Variants in C1orf159 observed in about 807,000 individuals in gnomAD.
C1orf159 encodes uncharacterized protein C1orf159.
A neutral mutation model predicts 25.6 loss-of-function variants in C1orf159; 19 were observed. That is an observed-to-expected ratio of 0.74 (90% CI 0.52 to 1.09). The LOEUF (loss-of-function observed/expected upper bound fraction) is 1.09, where lower values mean the gene tolerates loss of function less well. Ranked by LOEUF, C1orf159 falls within the 50% of genes least tolerant of loss-of-function variation. C1orf159 has a pLI of 0.00. For synonymous variants in C1orf159, 139 were observed against 124.7 expected, an observed-to-expected ratio of 1.12 and a Z score of -0.77; for missense variants, 274 against 290.6, an observed-to-expected ratio of 0.94 and a Z score of 0.42.
intron 7 of C1orf159, among the ~76,000 whole-genome samples, chr1:1,084,990 C>T (rs1372935392): frequency 6.6e-6 from 1 of 152,136 alleles, no homozygotes; most frequent in Non-Finnish European, 1.5e-5. Context: ...CTTCTCGTCC[C>T]GTGGCCACCA....
rs985636415 is a variant in C1orf159, at chr1:1,110,246, C to A, written c.-136+5814G>T. ...TAACCAGGTGTGTCCAACCTCCCAT[C>A]CTTTTATGGCCGGAAACTCAATTTT... On this transcript the variant is annotated intron_variant, in intron 1 of 9. Coordinates refer to ENST00000421241, the MANE Select transcript of C1orf159 (RefSeq NM_017891.5). The surrounding 1 kb of genome is among the most constrained non-coding windows in gnomAD (Gnocchi z 4.8). Among the ~76,000 whole-genome samples, 1 of 152,192 alleles carries A rather than the reference C, an allele frequency of 6.6e-6. No homozygotes were observed. The highest frequency in any genetic ancestry group is 2.4e-5 in the African/African-American group (1 of 41,432).
In C1orf159 at chr1:1,099,483, AG is replaced by A. The variant is rs544981703; in HGVS notation, c.-135-7381del. On this transcript the variant is annotated intron_variant, in intron 1 of 9. Coordinates refer to ENST00000421241, the MANE Select transcript of C1orf159 (RefSeq NM_017891.5). The stretch of plus-strand genomic sequence containing the variant: ...ATTGTTCTAAGAATTGCAGAGAGAG[AG>A]GTTAAAATCTCCGACTATGATTGTG... 1.8e-3 allele frequency among the ~76,000 whole-genome samples: 252 copies of A among 142,756 alleles called. 30 individuals carry two copies. Among genetic ancestry groups the A allele is most frequent in the African/African-American group, 6.5e-3 (238 of 36,478 alleles). 93.7% of individuals were successfully genotyped at this position (142,756 alleles called of 152,430 possible).
chr1:1,088,076 G>C (rs1301735977), intron 4 of C1orf159, among the ~76,000 whole-genome samples: 1 of 151,634 alleles, frequency 6.6e-6, no homozygotes, highest in East Asian at 2.0e-4. Context: ...GGCTGGGCCC[G>C]GCTTCCACCA....
intron 1 of C1orf159, among the ~76,000 whole-genome samples, chr1:1,107,317 T>C (rs1646188201): frequency 6.6e-6 from 1 of 152,148 alleles, no homozygotes; most frequent in Non-Finnish European, 1.5e-5. Flanking sequence ...GGTTTGTGGA[T>C]GCACCAATCA....
chr1:1,091,573 A>C lies in C1orf159; in HGVS notation c.-22-8T>G, dbSNP rs914166491. The C allele has an allele frequency of 7.8e-6, 11 of 1,407,100 alleles. No individual in the cohort carries two copies. The African/African-American group carries it at 1.5e-4, about 19-fold the overall frequency. The allele number at this position is 1,407,100 out of a possible 1,614,324, so 87.2% of individuals were successfully genotyped here. On this transcript the variant is annotated splice_region_variant and splice_polypyrimidine_tract_variant and intron_variant, in intron 2 of 9. Coordinates refer to ENST00000421241, the MANE Select transcript of C1orf159 (RefSeq NM_017891.5). ...GGAGCAGATGCGCAGAGCCTGCCAC[A>C]GGGAGGAGCATGCGGAGCCAAAGAG...
At chr1:1,085,014 C>T (rs1422763183) in intron 7 of C1orf159, among the ~76,000 whole-genome samples, 1 of 152,154 alleles carries the variant, frequency 6.6e-6, no homozygotes, top group South Asian at 2.1e-4. Flanking sequence ...CTGACCAAGC[C>T]CTGAGCCCTG....
At chr1:1,098,450 C>T (rs749359046) in intron 1 of C1orf159, among the ~76,000 whole-genome samples, 1 of 152,204 alleles carries the variant, frequency 6.6e-6, no homozygotes, top group East Asian at 1.9e-4. Flanking sequence ...AATTTCCAAA[C>T]ATTTGAGTTT....
rs1645843376 is a variant in C1orf159 at position 1,087,109 on chromosome 1, C to G, written c.310+30G>C. ...CGGCCCCCAGCCCCCAGGACACCGG[C>G]AGAGGTGGCTGTGGCCTGCTGAGAC... On this transcript the variant is annotated intron_variant, in intron 6 of 9. Transcript: ENST00000421241. This position sits in a 1 kb window ranked among gnomAD's most constrained non-coding sequence, Gnocchi z 8.3. 1.3e-6 allele frequency: 2 copies of G among 1,597,410 alleles called. No individual in the cohort carries two copies. The highest frequency in any genetic ancestry group is 3.4e-5 in the Admixed American group (2 of 59,638).
intron 1 of C1orf159, 114 bp from the exon 2 acceptor site, chr1:1,092,217 G>A (rs972792553): frequency 1.1e-5 from 3 of 275,340 alleles, no homozygotes; most frequent in South Asian, 2.9e-5. Context: ...CACCCTTGCC[G>A]GCCCCTGGCT....
chr1:1,105,843 C>T (rs1466617156), intron 1 of C1orf159: 1 of 152,148 alleles, frequency 6.6e-6, no homozygotes, highest in African/African-American at 2.4e-5. Flanking sequence ...CCACTGCACT[C>T]CAGCCTGGGC....
chr1:1,114,412 C>T (rs2100783566), intron 1 of C1orf159, among the ~76,000 whole-genome samples: 1 of 152,320 alleles, frequency 6.6e-6, no homozygotes, highest in East Asian at 1.9e-4. Flanking sequence ...CGATCTCCCA[C>T]CCCAGCACCC....
intron 7 of C1orf159, chr1:1,085,100 C>G (rs1645808046): frequency 7.5e-6 from 2 of 267,278 alleles, no homozygotes; most frequent in Non-Finnish European, 1.6e-5. Context: ...GCAGGAGACC[C>G]TGGCAGCGGG....
chr1:1,085,856 C>A, intron 7 of C1orf159, 22 bp downstream of exon 7: 1 of 1,612,190 alleles, frequency 6.2e-7, no homozygotes, highest in Non-Finnish European at 8.5e-7. Flanking sequence ...TCCCGTGGGG[C>A]AGGTGCTGGT....
At chr1:1,096,991 G>A (rs750438336) in intron 1 of C1orf159, among the ~76,000 whole-genome samples, 12 of 151,800 alleles carry the variant, frequency 7.9e-5, no homozygotes, top group African/African-American at 2.2e-4. Flanking sequence ...CTCCTGCCTC[G>A]GTCTCCCAAA....
chr1:1,086,601 T>C (rs944319950), intron 6 of C1orf159, among the ~76,000 whole-genome samples: 38 of 152,314 alleles, frequency 2.5e-4, no homozygotes, highest in African/African-American at 8.9e-4. Flanking sequence ...GGGGCCTCGC[T>C]CCTTCCTGCC....
chr1:1,092,384 G>A (rs1645953890), intron 1 of C1orf159: 2 of 169,404 alleles, frequency 1.2e-5, no homozygotes, highest in Non-Finnish European at 2.6e-5. Context: ...GGAGCTCAGT[G>A]GCCCAGGCTG....
chr1:1,096,645 G>A (rs570879620), intron 1 of C1orf159, among the ~76,000 whole-genome samples: 1 of 152,322 alleles, frequency 6.6e-6, no homozygotes, highest in African/African-American at 2.4e-5. Flanking sequence ...GATTTCCATT[G>A]CTTTTGACAA....
chr1:1,083,987 C>T (rs771596249), intron 9 of C1orf159: 176 of 1,604,546 alleles, frequency 1.1e-4, no homozygotes, highest in Non-Finnish European at 1.3e-4. Flanking sequence ...TGGCGGAGGC[C>T]GGCTGCGTCT....
intron 9 of C1orf159, chr1:1,083,416 G>GGGTGGCCGAGATCCAGAGCCAGGCAAA: frequency 4.9e-6 from 1 of 204,714 alleles, no homozygotes; most frequent in South Asian, 9.7e-5. Context: ...CCCCGGGCAG[G>GGGTGGCCGAGATCCAGAGCCAGGCAAA]CCCTGAAACA....
Sources: gnomAD v4.1 joint callset for allele counts (sites outside exome capture counted in the v4.1 genomes callset) on GRCh38, gnomAD v4.1.1 for gene constraint, Gnocchi (gnomAD v3.1) non-coding constraint, MANE v1.5 for transcripts, NCBI Gene and HGNC (gene_info 2026-07-23, HGNC 2026-07-21) for gene names.